Variants in FKBP15 observed in about 807,000 individuals in gnomAD.
The protein encoded by FKBP15 is FK506-binding protein 15.
A neutral mutation model predicts 158.1 loss-of-function variants in FKBP15; 106 were observed. That is an observed-to-expected ratio of 0.67 (90% CI 0.57 to 0.79). The LOEUF is 0.79. FKBP15 is among the 30% of genes least tolerant of loss of function. The pLI, the probability that FKBP15 is intolerant of heterozygous loss-of-function variation, is 0.00. For synonymous variants in FKBP15, 547 were observed against 548.6 expected, an observed-to-expected ratio of 1.00 and a Z score of 0.04; for missense variants, 1,287 against 1,479.1, an observed-to-expected ratio of 0.87 and a Z score of 2.13.
At chr9:113,216,149 T>G (rs114763479) in intron 1 of FKBP15, among the ~76,000 whole-genome samples, 8,504 of 141,560 alleles carry the variant, frequency 0.06, 287 homozygotes, top group African/African-American at 0.084. Flanking sequence ...AAAGGGGGTA[T>G]GCCCAGTGTC....
At chr9:113,191,895 T>G (rs1830581841) in intron 11 of FKBP15, among the ~76,000 whole-genome samples, 1 of 151,452 alleles carries the variant, frequency 6.6e-6, no homozygotes. Context: ...TGTTATATTG[T>G]TTTGATAACT....
In FKBP15 at chr9:113,162,960, G is replaced by GC. The variant is rs752411020; in HGVS notation, c.*3117dup. 52 of 1,521,892 alleles carry GC rather than the reference G, an allele frequency of 3.4e-5. No individual in the cohort carries two copies. The African/African-American group carries it at 3.8e-4, about 11-fold the overall frequency. 94.3% of individuals were successfully genotyped at this position (1,521,892 alleles called of 1,614,324 possible). A position where few individuals can be genotyped will look rare whatever the true frequency, so the allele number is the denominator to read the frequency against. ...GGCACTGAGGCTGGAGGGACATGGA[G>GC]CCCCCTCTTCCAGACACTATACTTC... On this transcript the variant is annotated 3_prime_UTR_variant, in exon 28 of 28. Transcript: ENST00000238256.
At chr9:113,215,508 A>G (rs1344492157) in intron 1 of FKBP15, among the ~76,000 whole-genome samples, 2 of 151,834 alleles carry the variant, frequency 1.3e-5, no homozygotes, top group South Asian at 2.1e-4. Context: ...ATCACACCAT[A>G]ACAGATATAA....
intron 11 of FKBP15, 78 bp from the exon 12 acceptor site, chr9:113,190,656 T>G (rs1023423556): frequency 1.9e-6 from 2 of 1,043,718 alleles, no homozygotes; most frequent in Admixed American, 2.1e-5. Context: ...CTTTGGCTCT[T>G]GTATCAAATC....
chr9:113,173,298 G>A (rs368265722), intron 23 of FKBP15, among the ~76,000 whole-genome samples, 155 bp downstream of exon 23: 7 of 152,288 alleles, frequency 4.6e-5, no homozygotes, highest in African/African-American at 1.7e-4. Context: ...CCCCACATAA[G>A]TATGTGAAAG....
Position 113,199,908 on chromosome 9 carries a change from T to C in FKBP15, c.554A>G (p.Asp185Gly). 1 of 1,613,460 alleles carries C rather than the reference T, an allele frequency of 6.2e-7. No homozygotes were observed. Residue 185 changes from aspartate (D) to glycine (G), a missense_variant, in exon 7 of 28, where the codon GAC (aspartate) becomes GGC (glycine). Transcript: ENST00000238256. ...AGCAGGGCCGTCTGCCACAATGAGG[T>C]CCTGGGAGAGCACTGCATCCAGGGA... Reference protein sequence around the residue: ...TSSLDAVLSQDLIVADGPAVE... With the variant: ...TSSLDAVLSQGLIVADGPAVE...
At chr9:113,186,473 T>G in intron 14 of FKBP15, 110 bp from the exon 15 acceptor site, 1 of 769,022 alleles carries the variant, frequency 1.3e-6, no homozygotes, top group African/African-American at 1.7e-5. Context: ...AGACTCAAAC[T>G]TACTGAAGCT....
intron 3 of FKBP15, 134 bp from the exon 4 acceptor site, chr9:113,206,712 AT>A (rs35902681): frequency 0.15 from 41,845 of 283,310 alleles, 62 homozygotes; most frequent in South Asian, 0.21. Context: ...GCGGTTTAAA[AT>A]TTTTTTTTTT....
At chr9:113,197,161 T>C in intron 8 of FKBP15, 83 bp from the exon 9 acceptor site, 2 of 1,528,382 alleles carry the variant, frequency 1.3e-6, no homozygotes, top group Non-Finnish European at 1.8e-6. Context: ...CAGGTTTCAC[T>C]TATCCACACT....
chr9:113,207,671 A>T lies in FKBP15; in HGVS notation c.170-375T>A, dbSNP rs113124866. Among the ~76,000 whole-genome samples the T allele has an allele frequency of 3.5e-3, 533 of 152,286 alleles. 1 individual carries two copies. The highest frequency in any genetic ancestry group is 0.012 in the African/African-American group (515 of 41,560). On this transcript the variant is annotated intron_variant, in intron 2 of 27. Coordinates refer to ENST00000238256, the MANE Select transcript of FKBP15 (RefSeq NM_015258.2). ...ATTTTTAACCACTGAACTAGCTTCA[A>T]AATTGATCTTTATAATTTACAGTCA...
chr9:113,202,573 G>A lies in FKBP15; in HGVS notation c.456C>T (p.Ile152=). Residue 152 remains isoleucine, a synonymous_variant, in exon 6 of 28, where the codon ATC becomes ATT. Transcript: ENST00000238256. ...CAGCAGCCTTTTCCGACTCAAACATGATGGACCAGTTCTGTCTCTGGTCAT... is the reference window on the plus strand; with the variant it reads ...CAGCAGCCTTTTCCGACTCAAACATAATGGACCAGTTCTGTCTCTGGTCAT... ...FYDDQRQNWS[I]MFESEKAAVE... 6.3e-7 allele frequency: 1 copy of A among 1,585,410 alleles called. No homozygotes were observed. Among genetic ancestry groups the A allele is most frequent in the Non-Finnish European group, 8.6e-7 (1 of 1,164,784 alleles).
At chr9:113,206,418 TA>T in intron 4 of FKBP15, 90 bp downstream of exon 4, 1 of 949,438 alleles carries the variant, frequency 1.1e-6, no homozygotes, top group Non-Finnish European at 1.7e-6. Context: ...TATCTTCTGA[TA>T]AACAAGACAT....
Position 113,199,945 on chromosome 9 carries a change from T to G in FKBP15, c.517A>C (p.Asn173His). The G allele has an allele frequency of 6.2e-7, 1 of 1,613,068 alleles. No homozygotes were observed. Among genetic ancestry groups the G allele is most frequent in the South Asian group, 1.1e-5 (1 of 90,812 alleles). The change falls in exon 7 of 28, where the codon AAC becomes CAC. Residue 173 changes from asparagine (N) to histidine (H), a missense_variant. By Grantham distance (68) the Asn-to-His change is moderately conservative (BLOSUM62 1). Transcript: ENST00000238256. The part of the protein sequence containing the change: ...FNKQVCIAKC[N>H]STSSLDAVLS... ...ACTGCATCCAGGGAAGAGGTACTGTTGCACTTAGCAATGCACACCTGCAAG... is the reference window on the plus strand; with the variant it reads ...ACTGCATCCAGGGAAGAGGTACTGTGGCACTTAGCAATGCACACCTGCAAG...
At chr9:113,218,023 T>C (rs1831174346) in intron 1 of FKBP15, among the ~76,000 whole-genome samples, 1 of 152,094 alleles carries the variant, frequency 6.6e-6, no homozygotes, top group Non-Finnish European at 1.5e-5. Context: ...AAAAAAATGT[T>C]AGACAATGCA....
At position 113,198,845 on chromosome 9, in the gene FKBP15, A is replaced by G. The variant is rs1228862827; in HGVS notation, c.717+10T>C. The G allele has an allele frequency of 2.5e-6, 4 of 1,591,716 alleles. No homozygotes were observed. The highest frequency in any genetic ancestry group is 1.3e-5 in the African/African-American group (1 of 74,716). ...GATAAAACCATAAAAAAACACAGTT[A>G]AGCCTTTACCTTGATGACTTTTCCT... On this transcript the variant is annotated intron_variant, in intron 8 of 27. Coordinates refer to ENST00000238256, the MANE Select transcript of FKBP15 (RefSeq NM_015258.2). The surrounding 1 kb of genome is among the most constrained non-coding windows in gnomAD (Gnocchi z 5.2).
chr9:113,169,362 C>T lies in FKBP15; in HGVS notation c.3347G>A (p.Gly1116Glu). ...DPLALGPESP[G>E]EPQPPQLKKD... ...CTTGAGCTGTGGAGGCTGAGGCTCT[C>T]CTGGGCTTTCAGGCCCTAAGGCCAG... The change falls in exon 26 of 28, where the codon GGA becomes GAA. Residue 1116 changes from glycine (G) to glutamate (E), a missense_variant. Coordinates refer to ENST00000238256, the MANE Select transcript of FKBP15 (RefSeq NM_015258.2). 1.2e-6 allele frequency: 2 copies of T among 1,614,082 alleles called. No individual in the cohort carries two copies. The highest frequency in any genetic ancestry group is 1.7e-6 in the Non-Finnish European group (2 of 1,179,908).
At chr9:113,170,019 T>A (rs7865125) in intron 25 of FKBP15, 77 bp from the exon 26 acceptor site, 456,217 of 1,446,002 alleles carry the variant, frequency 0.32, 73,463 homozygotes, top group Middle Eastern at 0.39. Context: ...ACACTACTGG[T>A]CATGTAGTTT....
In FKBP15 at chr9:113,166,011, G is replaced by T; in HGVS notation, c.*67C>A. 6.8e-7 allele frequency: 1 copy of T among 1,481,310 alleles called. No homozygotes were observed. Among genetic ancestry groups the T allele is most frequent in the Non-Finnish European group, 9.3e-7 (1 of 1,078,280 alleles). The allele number at this position is 1,481,310 out of a possible 1,614,324, so 91.8% of individuals were successfully genotyped here. On this transcript the variant is annotated 3_prime_UTR_variant, in exon 28 of 28. Transcript: ENST00000238256. ...ACCCTGTGGTTCGCCTAGACCCAGG[G>T]TTGGCTGTGCAAAATCATGCTTAGG... is the stretch of plus-strand genomic sequence containing the variant.
intron 21 of FKBP15, 137 bp from the exon 22 acceptor site, chr9:113,174,720 T>A: frequency 1.1e-6 from 1 of 937,980 alleles, no homozygotes; most frequent in Non-Finnish European, 1.5e-6. Flanking sequence ...AATTTTCCCC[T>A]AAATATTTAA....
Sources: allele counts gnomAD v4.1 joint callset (sites outside exome capture counted in the v4.1 genomes callset), GRCh38; gene constraint gnomAD v4.1.1; non-coding constraint Gnocchi (gnomAD v3.1); transcripts MANE v1.5; gene names NCBI Gene and HGNC (gene_info 2026-07-23, HGNC 2026-07-21).